Variants in CERS3 observed in about 807,000 individuals in gnomAD.
The protein encoded by CERS3 is LAG1 homolog, ceramide synthase 3.
CERS3 carries 33 observed loss-of-function variants against 50.3 expected under a neutral mutation model. That is an observed-to-expected ratio of 0.66 (90% confidence interval 0.50 to 0.88). The LOEUF (loss-of-function observed/expected upper bound fraction) is 0.88, where lower values mean the gene tolerates loss of function less well. CERS3 is among the 40% of genes least tolerant of loss of function. CERS3 has a pLI of 0.00. For synonymous variants in CERS3, 176 were observed against 155.2 expected, an observed-to-expected ratio of 1.13 and a Z score of -0.99; for missense variants, 470 against 460.3, an observed-to-expected ratio of 1.02 and a Z score of -0.19.
chr15:100,407,014 G>A lies in CERS3; in HGVS notation c.1000-4149C>T, dbSNP rs143030260. ...TCTTGTGAGACTTATTCACTATTGC[G>A]AGAACAGCACGGGAAAGACCCACTC... On this transcript the variant is annotated intron_variant, in intron 11 of 11. Transcript: ENST00000679737. Among the ~76,000 whole-genome samples the A allele has an allele frequency of 1.1e-4, 17 of 152,164 alleles. No individual in the cohort carries two copies. In the East Asian group the frequency reaches 2.5e-3, roughly 23 times the overall value.
chr15:100,539,856 C>A (rs2037157885), intron 1 of CERS3, among the ~76,000 whole-genome samples: 1 of 152,128 alleles, frequency 6.6e-6, no homozygotes, highest in Non-Finnish European at 1.5e-5. Context: ...GAGAGCTGGC[C>A]ATCAGTGAGA....
At chr15:100,450,812 G>T (rs1345945636) in intron 11 of CERS3, among the ~76,000 whole-genome samples, 1 of 152,038 alleles carries the variant, frequency 6.6e-6, no homozygotes, top group Non-Finnish European at 1.5e-5. Context: ...CAACAGAAAT[G>T]TGTCTAGTCA....
chr15:100,427,757 C>T (rs1311211044), intron 11 of CERS3, among the ~76,000 whole-genome samples: 1 of 152,190 alleles, frequency 6.6e-6, no homozygotes, highest in Non-Finnish European at 1.5e-5. Flanking sequence ...TTTCTTCTAA[C>T]AAGTCTTCCT....
chr15:100,489,290 C>G (rs2035580528), intron 4 of CERS3, among the ~76,000 whole-genome samples: 1 of 152,202 alleles, frequency 6.6e-6, no homozygotes, highest in Non-Finnish European at 1.5e-5. Flanking sequence ...TTTGATTCAG[C>G]CACTCATTAG....
At chr15:100,497,955 G>A (rs1013583561) in intron 3 of CERS3, among the ~76,000 whole-genome samples, 2 of 150,050 alleles carry the variant, frequency 1.3e-5, no homozygotes, top group African/African-American at 2.5e-5. Context: ...GTGCAGTGGC[G>A]TGATCTCGGC....
intron 11 of CERS3, among the ~76,000 whole-genome samples, chr15:100,436,306 G>A (rs1448107776): frequency 1.3e-5 from 2 of 152,168 alleles, no homozygotes; most frequent in South Asian, 4.1e-4. Flanking sequence ...AAAAGAATGA[G>A]TTCATGTCCT....
chr15:100,423,015 A>G (rs1299784217), intron 11 of CERS3, among the ~76,000 whole-genome samples: 2 of 151,580 alleles, frequency 1.3e-5, no homozygotes, highest in African/African-American at 4.9e-5. Context: ...GCAGCACACC[A>G]GCATGGCACA....
intron 10 of CERS3, among the ~76,000 whole-genome samples, chr15:100,461,540 A>C (rs565513107): frequency 3.9e-5 from 6 of 152,340 alleles, no homozygotes; most frequent in African/African-American, 1.4e-4. Flanking sequence ...ATGAGTTGAC[A>C]AATGGAAAGT....
chr15:100,496,147 A>C (rs2035806955), intron 3 of CERS3, among the ~76,000 whole-genome samples: 1 of 152,232 alleles, frequency 6.6e-6, no homozygotes, highest in African/African-American at 2.4e-5. Flanking sequence ...GTAGGGATAT[A>C]CACTAACAGT....
chr15:100,406,323 G>C (rs1380541780), intron 11 of CERS3, among the ~76,000 whole-genome samples: 2 of 152,166 alleles, frequency 1.3e-5, no homozygotes, highest in Non-Finnish European at 2.9e-5. Flanking sequence ...CATTTTTCAA[G>C]ATGACATCCA....
At chr15:100,475,199 G>C (rs2142253701) in intron 8 of CERS3, among the ~76,000 whole-genome samples, 1 of 152,264 alleles carries the variant, frequency 6.6e-6, no homozygotes, top group South Asian at 2.1e-4. Context: ...CATGGAAATG[G>C]AGATTATTTC....
At chr15:100,445,144 A>G (rs1413048190) in intron 11 of CERS3, among the ~76,000 whole-genome samples, 1 of 151,306 alleles carries the variant, frequency 6.6e-6, no homozygotes, top group South Asian at 2.1e-4. Context: ...GGTACAGCCC[A>G]TTTGAGCTCC....
At chr15:100,521,970 A>C (rs1055533207) in intron 1 of CERS3, among the ~76,000 whole-genome samples, 6 of 152,178 alleles carry the variant, frequency 3.9e-5, no homozygotes, top group African/African-American at 7.2e-5. Flanking sequence ...TTGCACATAG[A>C]AATCCAGATT....
chr15:100,418,119 G>C (rs1237990175), intron 11 of CERS3, among the ~76,000 whole-genome samples: 1 of 151,916 alleles, frequency 6.6e-6, no homozygotes, highest in African/African-American at 2.4e-5. Flanking sequence ...GGCTTCAGAC[G>C]ATCAAATTAC....
At chr15:100,469,932 T>G (rs12916756) in intron 9 of CERS3, among the ~76,000 whole-genome samples, 1 of 151,520 alleles carries the variant, frequency 6.6e-6, no homozygotes, top group Admixed American at 6.6e-5. Context: ...AAGGAGGCTA[T>G]TTCAAGGCAG....
chr15:100,541,780 C>T (rs566926559), intron 1 of CERS3, among the ~76,000 whole-genome samples: 2 of 152,084 alleles, frequency 1.3e-5, no homozygotes, highest in Non-Finnish European at 2.9e-5. Flanking sequence ...AAAGTAGTAA[C>T]ATGTCACAAT....
At chr15:100,466,953 A>G (rs1428574295) in intron 10 of CERS3, among the ~76,000 whole-genome samples, 1 of 151,448 alleles carries the variant, frequency 6.6e-6, no homozygotes, top group Non-Finnish European at 1.5e-5. Flanking sequence ...TCCCAGGTTC[A>G]AGCACTTTTC....
intron 10 of CERS3, among the ~76,000 whole-genome samples, chr15:100,456,395 A>G: frequency 6.6e-6 from 1 of 152,248 alleles, no homozygotes; most frequent in East Asian, 1.9e-4. Flanking sequence ...TGAAGAACAA[A>G]TAAGATAATG....
chr15:100,485,853 G>A (rs891728186), intron 4 of CERS3, among the ~76,000 whole-genome samples: 1 of 152,092 alleles, frequency 6.6e-6, no homozygotes, highest in African/African-American at 2.4e-5. Context: ...GACAGAGAAG[G>A]ACTCCATCTC....
Sources: allele counts gnomAD v4.1 joint callset (sites outside exome capture counted in the v4.1 genomes callset), GRCh38; gene constraint gnomAD v4.1.1; transcripts MANE v1.5; gene names NCBI Gene and HGNC (gene_info 2026-07-23, HGNC 2026-07-21).